The following HSF5 variants were observed in gnomAD, a reference collection of about 807,000 sequenced individuals.
The protein encoded by HSF5 is heat shock transcription factor 5.
HSF5 carries 5 observed loss-of-function variants against 50.8 expected under a neutral mutation model. The observed-to-expected ratio is 0.10, with a 90% CI of 0.05 to 0.21. The LOEUF is 0.21. Among genes scored for constraint, HSF5 ranks in the 10% least tolerant of loss-of-function variants. The probability of loss-of-function intolerance (pLI) is 1.00; values close to 1 mark genes in which losing one functional copy is unlikely to be tolerated. For missense variants in HSF5, 564 were observed against 762.6 expected (o/e 0.74, Z 3.07); for synonymous variants, 307 against 307.4 (o/e 1.00, Z 0.02).
intron 1 of HSF5, among the ~76,000 whole-genome samples, chr17:58,480,954 A>T (rs1006527061): frequency 1.2e-4 from 18 of 152,000 alleles, no homozygotes; most frequent in African/African-American, 4.3e-4. Context: ...AGCACTGTTT[A>T]TTTTACTTTT....
intron 2 of HSF5, among the ~76,000 whole-genome samples, chr17:58,471,477 T>C (rs1974942325): frequency 6.6e-6 from 1 of 152,222 alleles, no homozygotes; most frequent in African/African-American, 2.4e-5. Context: ...AGAATTTAAA[T>C]GTACTTTAAA....
Position 58,428,500 on chromosome 17 carries a change from G to A in HSF5, c.1721-6070C>T, listed in dbSNP as rs557949455. Among the ~76,000 whole-genome samples, 114 of 151,970 alleles carry A rather than the reference G, an allele frequency of 7.5e-4. 1 individual carries two copies. Among genetic ancestry groups the A allele is most frequent in the Non-Finnish European group, 1.5e-3 (99 of 67,946 alleles). Reference sequence around the variant, plus strand: ...CAGTGAAACCCTGCCTCTACTAAAAGTACAAAAAATTAGCCAGGTGTGGTG... The same window carrying A: ...CAGTGAAACCCTGCCTCTACTAAAAATACAAAAAATTAGCCAGGTGTGGTG... On this transcript the variant is annotated intron_variant, in intron 5 of 5. Coordinates refer to ENST00000323777, the MANE Select transcript of HSF5 (RefSeq NM_001080439.3).
At chr17:58,456,383 A>C (rs1022242549) in intron 5 of HSF5, among the ~76,000 whole-genome samples, 1 of 152,194 alleles carries the variant, frequency 6.6e-6, no homozygotes, top group Admixed American at 6.5e-5. Context: ...AGAAGAAAGT[A>C]GAATAGTAAA....
chr17:58,434,426 G>A (rs1396674188), intron 5 of HSF5, among the ~76,000 whole-genome samples: 3 of 152,054 alleles, frequency 2.0e-5, no homozygotes, highest in African/African-American at 7.2e-5. Flanking sequence ...GCGCGTGCCT[G>A]TAATTCCAGC....
At chr17:58,472,277 G>A (rs144250222) in intron 2 of HSF5, among the ~76,000 whole-genome samples, 1 of 152,184 alleles carries the variant, frequency 6.6e-6, no homozygotes, top group East Asian at 1.9e-4. Flanking sequence ...GACCAGTCTG[G>A]ACAACAAAGC....
intron 2 of HSF5, among the ~76,000 whole-genome samples, chr17:58,469,171 A>G (rs533351611): frequency 6.6e-6 from 1 of 152,006 alleles, no homozygotes; most frequent in Non-Finnish European, 1.5e-5. Flanking sequence ...AGAAGTAGAG[A>G]AAGACTTAGG....
At chr17:58,467,448 CA>C (rs1974883390) in intron 2 of HSF5, among the ~76,000 whole-genome samples, 1 of 152,134 alleles carries the variant, frequency 6.6e-6, no homozygotes, top group Non-Finnish European at 1.5e-5. Context: ...GAAATGTACA[CA>C]AAAATGTTTT....
intron 5 of HSF5, among the ~76,000 whole-genome samples, chr17:58,426,605 A>T (rs1974299334): frequency 6.6e-6 from 1 of 152,172 alleles, no homozygotes; most frequent in African/African-American, 2.4e-5. Context: ...ATAGCTATAA[A>T]ATGGGAAGTA....
intron 2 of HSF5, among the ~76,000 whole-genome samples, chr17:58,478,720 G>A (rs1322838951): frequency 5.3e-5 from 8 of 150,880 alleles, no homozygotes; most frequent in Non-Finnish European, 7.4e-5. Context: ...AAAATTAGCC[G>A]GGTGTGGTGA....
Position 58,422,260 on chromosome 17 carries a change from T to C in HSF5, c.*100A>G. On this transcript the variant is annotated 3_prime_UTR_variant, in exon 6 of 6. Coordinates refer to ENST00000323777, the MANE Select transcript of HSF5 (RefSeq NM_001080439.3). ...TAACGAAACAAAAAATACTTTTTTTTCCTTAACAGAACTGAAAAAATCCCA... is the reference window on the plus strand; with the variant it reads ...TAACGAAACAAAAAATACTTTTTTTCCCTTAACAGAACTGAAAAAATCCCA... 1 of 855,336 alleles carries C rather than the reference T, an allele frequency of 1.2e-6. No homozygotes were observed. The highest frequency in any genetic ancestry group is 1.9e-6 in the Non-Finnish European group (1 of 534,796). The allele number at this position is 855,336 out of a possible 1,614,324, so 53.0% of individuals were successfully genotyped here.
chr17:58,455,220 T>C (rs915132035), intron 5 of HSF5, among the ~76,000 whole-genome samples: 1 of 152,170 alleles, frequency 6.6e-6, no homozygotes, highest in Non-Finnish European at 1.5e-5. Context: ...AGTACACACA[T>C]TGGAGAAAGG....
chr17:58,439,943 G>GA (rs1020285730), intron 5 of HSF5, among the ~76,000 whole-genome samples: 3 of 146,072 alleles, frequency 2.1e-5, no homozygotes, highest in Admixed American at 6.8e-5. Context: ...CTGGACTAAA[G>GA]AAAAAATAGG....
chr17:58,480,500 C>CT (rs1455567529), intron 1 of HSF5, among the ~76,000 whole-genome samples: 1 of 152,050 alleles, frequency 6.6e-6, no homozygotes, highest in African/African-American at 2.4e-5. Flanking sequence ...ATAAAGTGCC[C>CT]AAATTCTAAC....
intron 5 of HSF5, among the ~76,000 whole-genome samples, chr17:58,445,281 C>T (rs1447951779): frequency 6.6e-6 from 1 of 152,150 alleles, no homozygotes; most frequent in African/African-American, 2.4e-5. Flanking sequence ...AAATCAGGGT[C>T]TCAAAGAGAT....
intron 5 of HSF5, among the ~76,000 whole-genome samples, chr17:58,429,890 A>T (rs972701645): frequency 2.7e-5 from 4 of 147,146 alleles, no homozygotes; most frequent in Non-Finnish European, 6.0e-5. Context: ...ATTTTACCTT[A>T]AAAAAAAAAG....
At chr17:58,461,084 C>G (rs1264670313) in intron 4 of HSF5, among the ~76,000 whole-genome samples, 2 of 151,652 alleles carry the variant, frequency 1.3e-5, no homozygotes, top group Non-Finnish European at 2.9e-5. Context: ...CCTGGGGGGA[C>G]ACACCTGTAA....
intron 5 of HSF5, among the ~76,000 whole-genome samples, chr17:58,458,290 T>C (rs1375441904): frequency 6.6e-6 from 1 of 152,220 alleles, no homozygotes. Flanking sequence ...AACCATTCAT[T>C]GGTATAGGGT....
At chr17:58,482,846 G>A (rs371346770) in intron 1 of HSF5, among the ~76,000 whole-genome samples, 14 of 151,204 alleles carry the variant, frequency 9.3e-5, no homozygotes, top group African/African-American at 3.4e-4. Context: ...AGACTGAGAT[G>A]GGAGGATGAC....
chr17:58,444,950 T>C (rs766501928), intron 5 of HSF5, among the ~76,000 whole-genome samples: 17 of 152,116 alleles, frequency 1.1e-4, no homozygotes, highest in Non-Finnish European at 2.1e-4. Context: ...TTTCCAAAGA[T>C]GATATACAAA....
Sources: allele counts gnomAD v4.1 joint callset (sites outside exome capture counted in the v4.1 genomes callset), GRCh38; gene constraint gnomAD v4.1.1; transcripts MANE v1.5; gene names NCBI Gene and HGNC (gene_info 2026-07-23, HGNC 2026-07-21).